Variants in PUM1 observed in about 807,000 individuals in gnomAD.
PUM1 encodes the protein pumilio RNA binding family member 1, also known as pumilio homolog 1.
In PUM1, 13 loss-of-function variants were observed where a neutral mutation model predicts 131.8. The ratio of observed to expected loss-of-function variants is 0.10; its 90% CI spans 0.06 to 0.16. PUM1 has a LOEUF of 0.16. PUM1 is among the 10% of genes least tolerant of loss of function. The pLI is 1.00. For synonymous variants in PUM1, 509 were observed against 556.5 expected (o/e 0.91, Z 1.20); for missense variants, 961 against 1,512.4 (o/e 0.64, Z 6.05).
At chr1:31,018,330 CAG>C (rs777253858) in intron 3 of PUM1, among the ~76,000 whole-genome samples, 52 of 151,330 alleles carry the variant, frequency 3.4e-4, no homozygotes, top group Non-Finnish European at 6.9e-4. Flanking sequence ...GCCTGGATGA[CAG>C]AGAGAGACTC....
chr1:30,967,048 A>G, intron 12 of PUM1, 119 bp downstream of exon 12: 1 of 1,226,192 alleles, frequency 8.2e-7, no homozygotes, highest in East Asian at 2.4e-5. Context: ...TTGAAACATT[A>G]CAGGGTAGAA....
chr1:31,048,089 A>C (rs900840596), intron 2 of PUM1, among the ~76,000 whole-genome samples: 5 of 151,550 alleles, frequency 3.3e-5, no homozygotes, highest in Admixed American at 6.6e-5. Context: ...AAATACAAAA[A>C]TTAGCTGGGC....
intron 2 of PUM1, among the ~76,000 whole-genome samples, chr1:31,048,092 A>G (rs1644012534): frequency 1.3e-5 from 2 of 151,620 alleles, no homozygotes; most frequent in South Asian, 4.2e-4. Flanking sequence ...TACAAAAATT[A>G]GCTGGGCTTG....
chr1:31,065,660 C>A lies in PUM1; in HGVS notation c.-56G>T. 6.5e-7 allele frequency: 1 copy of A among 1,549,896 alleles called. No homozygotes were observed. Among genetic ancestry groups the A allele is most frequent in the South Asian group, 1.2e-5 (1 of 84,056 alleles). ...AGATGGATTTCAGCCCCCCGATCTT[C>A]TCTCTCTGGCGCTCTCGCTCCCCCT... is the stretch of plus-strand genomic sequence containing the variant. On this transcript the variant is annotated 5_prime_UTR_variant, in exon 1 of 22. Coordinates refer to ENST00000426105, the MANE Select transcript of PUM1 (RefSeq NM_001020658.2).
At chr1:30,994,448 T>G (rs1641914257) in intron 6 of PUM1, among the ~76,000 whole-genome samples, 1 of 152,206 alleles carries the variant, frequency 6.6e-6, no homozygotes, top group Non-Finnish European at 1.5e-5. Context: ...ACTGTGTAAC[T>G]TAAATAATAG....
Position 31,022,354 on chromosome 1 carries a change from T to C in PUM1, c.432+6442A>G, listed in dbSNP as rs1310444063. Among the ~76,000 whole-genome samples the C allele has an allele frequency of 3.3e-5, 5 of 152,210 alleles. No homozygotes were observed. In the East Asian group the frequency reaches 9.6e-4, roughly 29 times the overall value. On this transcript the variant is annotated intron_variant, in intron 3 of 21. Coordinates refer to ENST00000426105, the MANE Select transcript of PUM1 (RefSeq NM_001020658.2). ...AGGAGGTTGATGAAAGGGAAGAAAT[T>C]TAATGAAGACAAAGTAAGCAGCATG...
At chr1:30,992,360 TAG>T in intron 7 of PUM1, 28 bp downstream of exon 7, 1 of 1,598,112 alleles carries the variant, frequency 6.3e-7, no homozygotes. Context: ...GGAGGGAGAG[TAG>T]AGAGGGTGAC....
chr1:31,016,565 C>G (rs1162572660), intron 3 of PUM1, among the ~76,000 whole-genome samples: 1 of 152,082 alleles, frequency 6.6e-6, no homozygotes, highest in East Asian at 1.9e-4. Context: ...TCAATACTTA[C>G]ATGTAAAGAT....
In PUM1 at chr1:30,984,393, G is replaced by C. The variant is rs139381404; in HGVS notation, c.1159-2988C>G. Among the ~76,000 whole-genome samples the C allele has an allele frequency of 2.1e-3, 323 of 152,282 alleles. 1 individual carries two copies. Among genetic ancestry groups the C allele is most frequent in the African/African-American group, 7.5e-3 (311 of 41,560 alleles). On this transcript the variant is annotated intron_variant, in intron 7 of 21. Transcript: ENST00000426105. ...AAAACTCACACAAATGCCATCTGCTGGGCAAAGCACTGAGCTCTGCTAACA... is the reference window on the plus strand; with the variant it reads ...AAAACTCACACAAATGCCATCTGCTCGGCAAAGCACTGAGCTCTGCTAACA...
intron 2 of PUM1, among the ~76,000 whole-genome samples, chr1:31,038,982 ATATTTTT>A (rs1280061083): frequency 3.6e-5 from 1 of 27,978 alleles, no homozygotes. Flanking sequence ...ATATATATAT[ATATTTTT>A]TTTTTTTTTT....
At chr1:30,964,950 G>T in intron 13 of PUM1, 40 bp from the exon 14 acceptor site, 1 of 1,546,610 alleles carries the variant, frequency 6.5e-7, no homozygotes, top group Non-Finnish European at 8.9e-7. Flanking sequence ...GAACAGGCCT[G>T]TTCTTCGAAG....
Position 31,053,865 on chromosome 1 carries a change from C to T in PUM1, c.363+5339G>A, listed in dbSNP as rs565715542. On this transcript the variant is annotated intron_variant, in intron 2 of 21. Transcript: ENST00000426105. ...ATCCCAGCACTTTGGGAGGCCGAGGCAGGTGGATCACCTGAGGTTAGGAGT... is the reference window on the plus strand; with the variant it reads ...ATCCCAGCACTTTGGGAGGCCGAGGTAGGTGGATCACCTGAGGTTAGGAGT... 2.6e-5 allele frequency among the ~76,000 whole-genome samples: 4 copies of T among 152,074 alleles called. No individual in the cohort carries two copies. In the South Asian group the frequency reaches 8.3e-4, roughly 32 times the overall value.
chr1:31,044,026 C>CA (rs1643897437), intron 2 of PUM1, among the ~76,000 whole-genome samples: 1 of 150,318 alleles, frequency 6.7e-6, no homozygotes, highest in Admixed American at 6.6e-5. Flanking sequence ...CCATAATAGC[C>CA]AAAAAAGAAG....
At chr1:31,005,692 G>A (rs184088095) in intron 5 of PUM1, among the ~76,000 whole-genome samples, 161 bp downstream of exon 5, 1 of 152,146 alleles carries the variant, frequency 6.6e-6, no homozygotes, top group Admixed American at 6.5e-5. Flanking sequence ...TATGTTTGCT[G>A]AGTTCTATTT....
intron 7 of PUM1, among the ~76,000 whole-genome samples, chr1:30,991,047 T>C (rs1474910337): frequency 6.7e-6 from 1 of 149,176 alleles, no homozygotes; most frequent in Admixed American, 6.6e-5. Context: ...ATATCAACTC[T>C]GATTATGAAG....
At chr1:31,033,430 G>A (rs1353088456) in intron 2 of PUM1, among the ~76,000 whole-genome samples, 1 of 137,834 alleles carries the variant, frequency 7.3e-6, no homozygotes. Flanking sequence ...CTGTCGCCCA[G>A]GCCGGACTGC....
chr1:30,967,942 A>G (rs1640691863), intron 11 of PUM1, among the ~76,000 whole-genome samples: 1 of 152,238 alleles, frequency 6.6e-6, no homozygotes, highest in Non-Finnish European at 1.5e-5. Flanking sequence ...CTATTGGTTT[A>G]AGAGAAACCT....
At chr1:31,034,517 G>A (rs1643541563) in intron 2 of PUM1, among the ~76,000 whole-genome samples, 1 of 152,134 alleles carries the variant, frequency 6.6e-6, no homozygotes, top group Non-Finnish European at 1.5e-5. Context: ...GCTAATTGAC[G>A]TATAAGCAAA....
intron 14 of PUM1, among the ~76,000 whole-genome samples, chr1:30,959,391 G>A (rs573678954): frequency 4.8e-4 from 73 of 152,102 alleles, no homozygotes; most frequent in African/African-American, 1.7e-3. Context: ...ACACCAAATC[G>A]AACATGACCA....
Sources: allele counts gnomAD v4.1 joint callset (sites outside exome capture counted in the v4.1 genomes callset), GRCh38; gene constraint gnomAD v4.1.1; transcripts MANE v1.5; gene names NCBI Gene and HGNC (gene_info 2026-07-23, HGNC 2026-07-21).